IMMP2L: variants seen among roughly 807,000 people sequenced by gnomAD.
IMMP2L encodes mitochondrial inner membrane protease subunit 2.
IMMP2L carries 18 observed loss-of-function variants against 19.3 expected under a neutral mutation model. The observed-to-expected ratio is 0.93, with a 90% CI of 0.64 to 1.38. The LOEUF is 1.38. Ranked by LOEUF, IMMP2L falls within the 40% of genes most tolerant of loss-of-function variation. The pLI, the probability that IMMP2L is intolerant of heterozygous loss-of-function variation, is 0.00. For missense variants in IMMP2L, 233 were observed against 218.2 expected, an observed-to-expected ratio of 1.07 and a Z score of -0.43; for synonymous variants, 76 against 73.0, an observed-to-expected ratio of 1.04 and a Z score of -0.21.
chr7:111,545,628 C>T (rs570540589), intron 1 of IMMP2L, among the ~76,000 whole-genome samples: 1 of 152,220 alleles, frequency 6.6e-6, no homozygotes, highest in African/African-American at 2.4e-5. Context: ...TCAGGTGATC[C>T]ACCTGCCCTA....
At chr7:110,841,970 C>T (rs1805130545) in intron 5 of IMMP2L, among the ~76,000 whole-genome samples, 1 of 152,160 alleles carries the variant, frequency 6.6e-6, no homozygotes, top group African/African-American at 2.4e-5. Context: ...AAGCTTTGAA[C>T]TGTACAGCCT....
chr7:111,108,872 TATTC>T (rs1020308466), intron 3 of IMMP2L, among the ~76,000 whole-genome samples: 4 of 152,276 alleles, frequency 2.6e-5, no homozygotes, highest in African/African-American at 7.2e-5. Context: ...AAGCAACTGA[TATTC>T]ATTCATTCAT....
intron 3 of IMMP2L, among the ~76,000 whole-genome samples, chr7:111,441,935 G>A (rs1031382683): frequency 5.9e-5 from 9 of 151,626 alleles, no homozygotes; most frequent in Non-Finnish European, 7.4e-5. Context: ...TCAGTAGATC[G>A]AGACCACCCT....
intron 3 of IMMP2L, among the ~76,000 whole-genome samples, chr7:111,446,652 C>A (rs1271569430): frequency 3.3e-5 from 5 of 152,216 alleles, no homozygotes; most frequent in African/African-American, 1.2e-4. Context: ...CAGAGCGCCT[C>A]TCCTCCTCCA....
chr7:110,744,926 C>T (rs1797233838), intron 5 of IMMP2L, among the ~76,000 whole-genome samples: 1 of 152,048 alleles, frequency 6.6e-6, no homozygotes, highest in African/African-American at 2.4e-5. Flanking sequence ...ACGTTAAGCT[C>T]CAGAAGATGG....
At chr7:110,892,443 C>T (rs1810901616) in intron 4 of IMMP2L, among the ~76,000 whole-genome samples, 1 of 152,086 alleles carries the variant, frequency 6.6e-6, no homozygotes, top group African/African-American at 2.4e-5. Flanking sequence ...GTCTGTACTC[C>T]GCTGCATGGT....
At chr7:111,534,981 A>G (rs1440716038) in intron 1 of IMMP2L, among the ~76,000 whole-genome samples, 1 of 152,202 alleles carries the variant, frequency 6.6e-6, no homozygotes, top group Non-Finnish European at 1.5e-5. Context: ...CAACAAAGGA[A>G]GAAAACCAGG....
intron 3 of IMMP2L, among the ~76,000 whole-genome samples, chr7:111,280,672 G>C (rs769275601): frequency 2.0e-5 from 3 of 152,114 alleles, no homozygotes; most frequent in African/African-American, 4.8e-5. Context: ...CTTCCCAAAA[G>C]CACAGACTAA....
At chr7:111,118,415 A>G (rs1206166801) in intron 3 of IMMP2L, among the ~76,000 whole-genome samples, 1 of 152,104 alleles carries the variant, frequency 6.6e-6, no homozygotes, top group Non-Finnish European at 1.5e-5. Context: ...GAAATCTCAA[A>G]TTATAAGTGT....
chr7:111,188,861 T>C (rs1420490271), intron 3 of IMMP2L, among the ~76,000 whole-genome samples: 2 of 152,152 alleles, frequency 1.3e-5, no homozygotes, highest in Non-Finnish European at 2.9e-5. Flanking sequence ...GAATAACATC[T>C]TTTTCAATAG....
chr7:111,450,436 C>A (rs1196508397), intron 3 of IMMP2L, among the ~76,000 whole-genome samples: 1 of 151,952 alleles, frequency 6.6e-6, no homozygotes, highest in Non-Finnish European at 1.5e-5. Context: ...TTTGACAAAC[C>A]TGACAAAAAC....
At chr7:110,780,435 G>A (rs755788048) in intron 5 of IMMP2L, among the ~76,000 whole-genome samples, 4 of 151,726 alleles carry the variant, frequency 2.6e-5, no homozygotes, top group Non-Finnish European at 4.4e-5. Flanking sequence ...CTATATTTCT[G>A]CAAATATTCT....
chr7:111,470,544 T>TA (rs949594888), intron 3 of IMMP2L, among the ~76,000 whole-genome samples: 2 of 151,680 alleles, frequency 1.3e-5, no homozygotes, highest in Non-Finnish European at 2.9e-5. Flanking sequence ...TATGCAGCCA[T>TA]AAAAAATGAT....
At chr7:110,985,763 C>T (rs530736929) in intron 3 of IMMP2L, among the ~76,000 whole-genome samples, 10 of 151,836 alleles carry the variant, frequency 6.6e-5, no homozygotes, top group South Asian at 4.2e-4. Context: ...TTCTCAAAGC[C>T]GACAAAGTTG....
chr7:110,885,036 C>T (rs1484388320), intron 5 of IMMP2L, among the ~76,000 whole-genome samples: 1 of 151,834 alleles, frequency 6.6e-6, no homozygotes, highest in Non-Finnish European at 1.5e-5. Flanking sequence ...TTATTAGAGA[C>T]CACCGACATT....
chr7:111,182,649 C>T (rs1311441672), intron 3 of IMMP2L, among the ~76,000 whole-genome samples: 1 of 151,582 alleles, frequency 6.6e-6, no homozygotes, highest in Admixed American at 6.6e-5. Context: ...GAAAGTCAAT[C>T]ACGTTTCTCA....
intron 3 of IMMP2L, among the ~76,000 whole-genome samples, chr7:111,304,342 C>T (rs1822590244): frequency 1.3e-5 from 2 of 151,762 alleles, no homozygotes; most frequent in Admixed American, 1.3e-4. Context: ...TTTCCTATCT[C>T]TCAACAAAAA....
intron 3 of IMMP2L, among the ~76,000 whole-genome samples, chr7:111,398,882 C>CAAA (rs756718840): frequency 9.5e-6 from 1 of 104,766 alleles, no homozygotes; most frequent in Non-Finnish European, 2.1e-5. Context: ...ACAATAGCTG[C>CAAA]AAAAAAAAAA....
chr7:111,386,250 C>A (rs943240799), intron 3 of IMMP2L, among the ~76,000 whole-genome samples: 1 of 152,018 alleles, frequency 6.6e-6, no homozygotes, highest in Non-Finnish European at 1.5e-5. Flanking sequence ...AAATAACTTC[C>A]CCATGAGTAA....
Sources: allele counts gnomAD v4.1 joint callset (sites outside exome capture counted in the v4.1 genomes callset), GRCh38; gene constraint gnomAD v4.1.1; transcripts MANE v1.5; gene names NCBI Gene and HGNC (gene_info 2026-07-23, HGNC 2026-07-21).